The following ULK4 variants were observed in gnomAD, a reference collection of about 807,000 sequenced individuals.
The protein encoded by ULK4 is inactive serine/threonine-protein kinase ULK4.
ULK4 carries 133 observed loss-of-function variants against 160.6 expected under a neutral mutation model. The ratio of observed to expected loss-of-function variants is 0.83; its 90% CI spans 0.72 to 0.96. The LOEUF is 0.96. Among genes scored for constraint, ULK4 ranks in the 40% least tolerant of loss-of-function variants. The pLI, the probability that ULK4 is intolerant of heterozygous loss-of-function variation, is 0.00. For synonymous variants in ULK4, 534 were observed against 539.8 expected (o/e 0.99, Z 0.15); for missense variants, 1,580 against 1,499.5 (o/e 1.05, Z -0.89).
intron 30 of ULK4, among the ~76,000 whole-genome samples, chr3:41,620,201 C>A (rs956870230): frequency 2.0e-5 from 3 of 152,162 alleles, no homozygotes; most frequent in African/African-American, 7.2e-5. Context: ...GGAGCTGGTA[C>A]CATTCCTTCT....
intron 32 of ULK4, among the ~76,000 whole-genome samples, chr3:41,559,689 T>A (rs1279871709): frequency 5.3e-5 from 8 of 152,218 alleles, no homozygotes; most frequent in Non-Finnish European, 1.0e-4. Flanking sequence ...GAGAAGTGTC[T>A]GTTCATATCC....
intron 35 of ULK4, among the ~76,000 whole-genome samples, chr3:41,355,336 C>A (rs1436082104): frequency 6.6e-6 from 1 of 152,122 alleles, no homozygotes; most frequent in Non-Finnish European, 1.5e-5. Context: ...ATCTCAGCCT[C>A]CAAACCCAAA....
At chr3:41,869,522 A>G (rs1239775253) in intron 17 of ULK4, among the ~76,000 whole-genome samples, 3 of 152,186 alleles carry the variant, frequency 2.0e-5, no homozygotes, top group Admixed American at 1.3e-4. Context: ...TAGAGGTGCA[A>G]TGAGCCAAGA....
intron 20 of ULK4, among the ~76,000 whole-genome samples, chr3:41,794,952 G>A (rs554514640): frequency 1.5e-4 from 23 of 152,142 alleles, no homozygotes; most frequent in Non-Finnish European, 1.2e-4. Flanking sequence ...GAGTGAAGGA[G>A]GGAAGGAGTG....
At chr3:41,559,921 T>C (rs1270168724) in intron 32 of ULK4, among the ~76,000 whole-genome samples, 1 of 152,226 alleles carries the variant, frequency 6.6e-6, no homozygotes, top group Non-Finnish European at 1.5e-5. Flanking sequence ...CTTTTGGTGT[T>C]TTAGTCATGA....
At chr3:41,766,353 T>C (rs2039163125) in intron 21 of ULK4, among the ~76,000 whole-genome samples, 1 of 152,228 alleles carries the variant, frequency 6.6e-6, no homozygotes, top group African/African-American at 2.4e-5. Flanking sequence ...TCAGGCACTG[T>C]GGTAGGTGAT....
chr3:41,597,373 C>A (rs2031762630), intron 31 of ULK4, among the ~76,000 whole-genome samples: 1 of 152,146 alleles, frequency 6.6e-6, no homozygotes, highest in African/African-American at 2.4e-5. Context: ...TCAAAACCTG[C>A]AGGGCCTTGC....
chr3:41,938,881 CTACTT>C (rs1310329175), intron 2 of ULK4, among the ~76,000 whole-genome samples: 8 of 152,040 alleles, frequency 5.3e-5, no homozygotes, highest in African/African-American at 1.9e-4. Context: ...CTAAGACACA[CTACTT>C]TTATGGCCAA....
intron 35 of ULK4, among the ~76,000 whole-genome samples, chr3:41,312,135 T>G (rs74596415): frequency 2.0e-5 from 3 of 151,776 alleles, no homozygotes; most frequent in African/African-American, 7.3e-5. Flanking sequence ...CTACCAAACA[T>G]GGCTAATTTT....
chr3:41,898,226 G>A (rs1225048977), intron 14 of ULK4, among the ~76,000 whole-genome samples: 1 of 152,190 alleles, frequency 6.6e-6, no homozygotes, highest in Non-Finnish European at 1.5e-5. Context: ...GGACTGGGCA[G>A]CCCAGACTCA....
At chr3:41,415,018 G>C (rs958890339) in intron 34 of ULK4, among the ~76,000 whole-genome samples, 9 of 152,188 alleles carry the variant, frequency 5.9e-5, no homozygotes, top group Non-Finnish European at 1.2e-4. Context: ...GAAAATCACA[G>C]ATAGGTAAGC....
At chr3:41,452,522 C>T (rs2083445317) in intron 34 of ULK4, among the ~76,000 whole-genome samples, 1 of 152,128 alleles carries the variant, frequency 6.6e-6, no homozygotes, top group South Asian at 2.1e-4. Context: ...TCATCAGAGC[C>T]ACTCTGTGTT....
At chr3:41,285,552 G>T (rs1227325776) in intron 35 of ULK4, among the ~76,000 whole-genome samples, 2 of 152,120 alleles carry the variant, frequency 1.3e-5, no homozygotes, top group African/African-American at 4.8e-5. Flanking sequence ...AGGACACAAA[G>T]GTGTAAGAAT....
At chr3:41,248,636 C>A (rs915647300) in intron 36 of ULK4, among the ~76,000 whole-genome samples, 1 of 152,198 alleles carries the variant, frequency 6.6e-6, no homozygotes, top group African/African-American at 2.4e-5. Context: ...CAAAGCACAC[C>A]AGGAAGCAGA....
At chr3:41,357,417 G>A (rs956465593) in intron 35 of ULK4, among the ~76,000 whole-genome samples, 6 of 152,042 alleles carry the variant, frequency 3.9e-5, no homozygotes, top group African/African-American at 7.2e-5. Context: ...AACGCTCTCC[G>A]GAGTGCTCGG....
chr3:41,523,854 C>T (rs191446258), intron 32 of ULK4, among the ~76,000 whole-genome samples: 30 of 152,230 alleles, frequency 2.0e-4, no homozygotes, highest in Non-Finnish European at 1.5e-4. Context: ...TTATTCACAA[C>T]AGCCAGAAGT....
At chr3:41,554,650 T>C (rs2125583330) in intron 32 of ULK4, among the ~76,000 whole-genome samples, 1 of 152,206 alleles carries the variant, frequency 6.6e-6, no homozygotes, top group Non-Finnish European at 1.5e-5. Flanking sequence ...GATATCACCA[T>C]ATGGTGCCTA....
chr3:41,735,318 G>A (rs2037990118), intron 22 of ULK4, among the ~76,000 whole-genome samples: 1 of 152,070 alleles, frequency 6.6e-6, no homozygotes, highest in South Asian at 2.1e-4. Flanking sequence ...GGACAGAATG[G>A]CCCATTTATA....
chr3:41,766,038 A>G (rs1230666661), intron 21 of ULK4, among the ~76,000 whole-genome samples: 1 of 152,194 alleles, frequency 6.6e-6, no homozygotes, highest in Non-Finnish European at 1.5e-5. Context: ...TGGGAGGCCA[A>G]AGCGGGTGGA....
Sources: gnomAD v4.1 joint callset for allele counts (sites outside exome capture counted in the v4.1 genomes callset) on GRCh38, gnomAD v4.1.1 for gene constraint, MANE v1.5 for transcripts, NCBI Gene and HGNC (gene_info 2026-07-23, HGNC 2026-07-21) for gene names.